CIMIP6: variants seen among roughly 807,000 people sequenced by gnomAD.
CIMIP6 encodes the protein ciliary microtubule inner protein 6.
the CIMIP6 span, among the ~76,000 whole-genome samples, chr2:54,347,853 T>C: frequency 5.3e-4 from 81 of 152,320 alleles, 1 homozygote; most frequent in African/African-American, 1.9e-3. Flanking sequence ...TGGCATTAAT[T>C]GGCTTAATTT....
chr2:54,363,294 C>T, the CIMIP6 span, among the ~76,000 whole-genome samples: 37 of 152,278 alleles, frequency 2.4e-4, no homozygotes, highest in African/African-American at 8.9e-4. Context: ...AGGAGCTGAA[C>T]ATGATTTGTC....
At chr2:54,357,625 G>A in the CIMIP6 span, among the ~76,000 whole-genome samples, 1 of 150,332 alleles carries the variant, frequency 6.7e-6, no homozygotes, top group Non-Finnish European at 1.5e-5. Context: ...CACCCAGGCT[G>A]GAGTGCAGTG....
chr2:54,381,423 T>A, the CIMIP6 span, among the ~76,000 whole-genome samples: 1 of 152,250 alleles, frequency 6.6e-6, no homozygotes. Flanking sequence ...ACTTTGTACA[T>A]TGCCCTAAGT....
chr2:54,365,241 T>C, the CIMIP6 span, among the ~76,000 whole-genome samples: 1 of 152,004 alleles, frequency 6.6e-6, no homozygotes, highest in Non-Finnish European at 1.5e-5. Context: ...TGTGTATTCA[T>C]GAGAAGGAAA....
the CIMIP6 span, among the ~76,000 whole-genome samples, chr2:54,346,524 T>C: frequency 6.6e-6 from 1 of 152,162 alleles, no homozygotes; most frequent in Non-Finnish European, 1.5e-5. Flanking sequence ...AATGTTTCAT[T>C]TCCTCCATCC....
At chr2:54,333,731 A>C in the CIMIP6 span, among the ~76,000 whole-genome samples, 11 of 152,060 alleles carry the variant, frequency 7.2e-5, no homozygotes, top group Non-Finnish European at 1.5e-4. Context: ...TCTACTAAAA[A>C]AAAATACAAA....
the CIMIP6 span, among the ~76,000 whole-genome samples, chr2:54,350,503 G>T: frequency 2.6e-5 from 4 of 152,172 alleles, no homozygotes; most frequent in Non-Finnish European, 4.4e-5. Context: ...CTCCAGCAGG[G>T]TAGCTGGACT....
chr2:54,333,031 AAGCTGGAGTAAACTCCAGCAGAT>A, the CIMIP6 span, among the ~76,000 whole-genome samples: 1 of 152,168 alleles, frequency 6.6e-6, no homozygotes, highest in African/African-American at 2.4e-5. Context: ...TATTCAAACA[AAGCTGGAGTAAACTCCAGCAGAT>A]TCACCAGAAA....
chr2:54,374,752 A>C, the CIMIP6 span, among the ~76,000 whole-genome samples: 1 of 152,250 alleles, frequency 6.6e-6, no homozygotes, highest in Non-Finnish European at 1.5e-5. Context: ...ATAAAGGCAG[A>C]ATCAGCCAGT....
the CIMIP6 span, among the ~76,000 whole-genome samples, chr2:54,342,827 C>T: frequency 2.6e-5 from 4 of 152,134 alleles, no homozygotes; most frequent in African/African-American, 9.7e-5. Context: ...ACTTTCATAT[C>T]CTAACTGTAT....
the CIMIP6 span, among the ~76,000 whole-genome samples, chr2:54,356,408 A>G: frequency 6.6e-6 from 1 of 152,164 alleles, no homozygotes; most frequent in South Asian, 2.1e-4. Context: ...AGGGAAAGTC[A>G]AGAGCAGATT....
the CIMIP6 span, among the ~76,000 whole-genome samples, chr2:54,377,536 A>G: frequency 3.7e-4 from 56 of 152,300 alleles, no homozygotes; most frequent in African/African-American, 1.3e-3. Context: ...AAACCTAACA[A>G]TTGGCTCTTG....
chr2:54,362,832 C>G, the CIMIP6 span, among the ~76,000 whole-genome samples: 1 of 152,220 alleles, frequency 6.6e-6, no homozygotes, highest in East Asian at 1.9e-4. Context: ...CAGGCATGAG[C>G]CACTGTGCAT....
At chr2:54,360,409 C>T in the CIMIP6 span, 378 of 1,605,258 alleles carry the variant, frequency 2.4e-4, 5 homozygotes, top group South Asian at 3.8e-3. Flanking sequence ...CTAAAACTCA[C>T]TTATCAGAAA....
chr2:54,369,110 T>C, the CIMIP6 span, among the ~76,000 whole-genome samples: 1 of 152,246 alleles, frequency 6.6e-6, no homozygotes, highest in East Asian at 1.9e-4. Flanking sequence ...GCCATCACAC[T>C]GGGTCACAGG....
At chr2:54,384,071 G>A in the CIMIP6 span, among the ~76,000 whole-genome samples, 1 of 152,196 alleles carries the variant, frequency 6.6e-6, no homozygotes, top group Non-Finnish European at 1.5e-5. Context: ...TTGGTATTCT[G>A]TTATAGCAGC....
chr2:54,367,353 C>A, the CIMIP6 span, among the ~76,000 whole-genome samples: 1 of 151,978 alleles, frequency 6.6e-6, no homozygotes, highest in African/African-American at 2.4e-5. Flanking sequence ...ATATATATAT[C>A]TGACAACCCT....
the CIMIP6 span, among the ~76,000 whole-genome samples, chr2:54,336,411 G>A: frequency 6.6e-6 from 1 of 152,306 alleles, no homozygotes; most frequent in South Asian, 2.1e-4. Flanking sequence ...TGTTGCTGCA[G>A]TATGTCACTA....
At chr2:54,334,478 T>C in the CIMIP6 span, among the ~76,000 whole-genome samples, 3 of 152,236 alleles carry the variant, frequency 2.0e-5, no homozygotes, top group African/African-American at 4.8e-5. Flanking sequence ...GAGTTAACTA[T>C]AGCGTGTAAC....
Sources: gnomAD v4.1 joint callset for allele counts (sites outside exome capture counted in the v4.1 genomes callset) on GRCh38, gnomAD v4.1.1 for gene constraint, MANE v1.5 for transcripts, NCBI Gene and HGNC (gene_info 2026-07-23, HGNC 2026-07-21) for gene names.